Variants in ANKRD11 observed in about 807,000 individuals in gnomAD.
The protein encoded by ANKRD11 is ankyrin repeat domain 11, also known as ankyrin repeat domain-containing protein 11.
In ANKRD11, 17 loss-of-function variants were observed where a neutral mutation model predicts 195.7. That is an observed-to-expected ratio of 0.09 (90% CI 0.06 to 0.13). The LOEUF (loss-of-function observed/expected upper bound fraction) is 0.13. Ranked by LOEUF, ANKRD11 falls within the 10% of genes least tolerant of loss-of-function variation. The pLI is 1.00. For synonymous variants in ANKRD11, 1,953 were observed against 1,528.1 expected (o/e 1.28, Z -6.49); for missense variants, 3,735 against 3,566.1 (o/e 1.05, Z -1.21).
In ANKRD11 at chr16:89,284,706, C is replaced by G. The variant is rs765646666; in HGVS notation, c.1836G>C (p.Leu612=). ...TGGGGACAGCGCCCTCCGCGCTGGA[C>G]AGGAAGGGGCTCTTCTTCTCCGACA... The part of the protein sequence containing the change: ...ASLSEKKSPF[L]SSAEGAVPKL... Residue 612 remains leucine (L), a synonymous_variant, in exon 9 of 13, where the codon CTG becomes CTC. Coordinates refer to ENST00000301030, the MANE Select transcript of ANKRD11 (RefSeq NM_013275.6). The G allele has an allele frequency of 8.1e-6, 13 of 1,613,866 alleles. No homozygotes were observed. The Admixed American group carries it at 1.2e-4, about 14-fold the overall frequency.
intron 4 of ANKRD11, 24 bp downstream of exon 4, chr16:89,305,182 G>A: frequency 6.2e-7 from 1 of 1,608,158 alleles, no homozygotes; most frequent in Non-Finnish European, 8.5e-7. Flanking sequence ...AGGGCTGACT[G>A]CAGGAGGGGC....
At chr16:89,273,115 T>A (rs2033323398) in intron 11 of ANKRD11, 1 of 151,414 alleles carries the variant, frequency 6.6e-6, no homozygotes, top group Non-Finnish European at 1.5e-5. Context: ...GTAACTGTAG[T>A]CAATAGTAAC....
chr16:89,294,194 C>T (rs897877713), intron 4 of ANKRD11, among the ~76,000 whole-genome samples: 4 of 152,154 alleles, frequency 2.6e-5, no homozygotes, highest in African/African-American at 9.7e-5. Flanking sequence ...TTCCCTTACG[C>T]GGCCAGGACA....
chr16:89,277,351 T>TG (rs1442756029), intron 9 of ANKRD11: 4 of 152,218 alleles, frequency 2.6e-5, no homozygotes, highest in African/African-American at 7.2e-5. Context: ...ACCTGGCACC[T>TG]GGGCCTGCCT....
Position 89,287,035 on chromosome 16 carries a change from A to T in ANKRD11, c.745-849T>A, listed in dbSNP as rs76321307. On this transcript the variant is annotated intron_variant, in intron 7 of 12. Transcript: ENST00000301030. ...TGAGTTTTCTATGGTGACTACACAA[A>T]ACCTCAGGCTTACAATTGTGGAGGT... is the stretch of plus-strand genomic sequence containing the variant. 1.6e-3 allele frequency: 2,033 copies of T among 1,289,704 alleles called. 27 individuals carry two copies. The African/African-American group carries it at 0.028, about 18-fold the overall frequency. 79.9% of individuals were successfully genotyped at this position (1,289,704 alleles called of 1,614,324 possible). A position where few individuals can be genotyped will look rare whatever the true frequency, so the allele number is the denominator to read the frequency against.
At position 89,280,463 on chromosome 16, in the gene ANKRD11, G is replaced by C. The variant is rs759486921; in HGVS notation, c.6079C>G (p.Leu2027Val). The change falls in exon 9 of 13, where the codon CTG becomes GTG. Residue 2027 changes from leucine (L) to valine (V), a missense_variant. Physicochemically the swap from Leu to Val is conservative, Grantham distance 32 (BLOSUM62 1). Transcript: ENST00000301030. Reference sequence around the variant, plus strand: ...TCCAGCCCCGGCTCAGCGACGGGCAGAGCGTACGGGGCAGGAGAGGCGGGA... The same window carrying C: ...TCCAGCCCCGGCTCAGCGACGGGCACAGCGTACGGGGCAGGAGAGGCGGGA... The part of the protein sequence containing the change: ...APPASPAPYA[L>V]PVAEPGLEDV... 1.4e-4 allele frequency: 224 copies of C among 1,596,780 alleles called. No individual in the cohort carries two copies. The highest frequency in any genetic ancestry group is 4.0e-5 in the African/African-American group (3 of 74,368).
chr16:89,362,274 C>T (rs759359950), intron 2 of ANKRD11, among the ~76,000 whole-genome samples: 1 of 152,232 alleles, frequency 6.6e-6, no homozygotes, highest in Non-Finnish European at 1.5e-5. Flanking sequence ...GCGTAAGCAG[C>T]TCCCACTGCT....
At chr16:89,449,473 C>G (rs1219247899) in intron 1 of ANKRD11, among the ~76,000 whole-genome samples, 2 of 151,904 alleles carry the variant, frequency 1.3e-5, no homozygotes, top group African/African-American at 4.8e-5. Context: ...ACCCACACAC[C>G]CCTTCCACAT....
At chr16:89,302,012 C>T (rs1382038189) in intron 4 of ANKRD11, among the ~76,000 whole-genome samples, 1 of 152,222 alleles carries the variant, frequency 6.6e-6, no homozygotes, top group African/African-American at 2.4e-5. Flanking sequence ...CACCCACACC[C>T]CTCCAGAGAG....
At chr16:89,457,599 AAAG>A (rs1567832335) in intron 1 of ANKRD11, among the ~76,000 whole-genome samples, 1 of 151,474 alleles carries the variant, frequency 6.6e-6, no homozygotes, top group African/African-American at 2.4e-5. Context: ...AAAAAAAAAA[AAAG>A]ACTACAAATT....
intron 1 of ANKRD11, 29 bp from the exon 2 acceptor site, chr16:89,418,397 G>C (rs1262445632): frequency 7.0e-6 from 3 of 426,042 alleles, no homozygotes; most frequent in Admixed American, 5.0e-5. Context: ...ATTAGCTCAT[G>C]TCAATAATAA....
chr16:89,296,055 C>T (rs3096295), intron 4 of ANKRD11, among the ~76,000 whole-genome samples: 7 of 127,852 alleles, frequency 5.5e-5, no homozygotes, highest in African/African-American at 2.1e-4. Context: ...GTGGCGCAAT[C>T]TCAGCTCACC....
intron 6 of ANKRD11, among the ~76,000 whole-genome samples, chr16:89,290,293 C>A (rs71372800): frequency 1.1e-5 from 1 of 92,120 alleles, no homozygotes; most frequent in African/African-American, 4.9e-5. Context: ...GGGCTCCAGC[C>A]GGGGGAGGCT....
At chr16:89,344,871 A>G (rs530368552) in intron 2 of ANKRD11, among the ~76,000 whole-genome samples, 37 of 152,334 alleles carry the variant, frequency 2.4e-4, no homozygotes, top group Non-Finnish European at 4.7e-4. Context: ...CTTCATCTTC[A>G]AGAGAACCTC....
Position 89,274,383 on chromosome 16 carries a change from C to T in ANKRD11, c.7713+431G>A, listed in dbSNP as rs9925679. ...AGCCACCCAGTGTCCCTGCTGTCCC[C>T]GTATGACAGCCCCTGGGGCCTGTGC... On this transcript the variant is annotated intron_variant, in intron 11 of 12. Coordinates refer to ENST00000301030, the MANE Select transcript of ANKRD11 (RefSeq NM_013275.6). Among the ~76,000 whole-genome samples the T allele has an allele frequency of 2.5e-3, 374 of 152,334 alleles. 2 individuals are homozygous for T. The highest frequency in any genetic ancestry group is 8.4e-3 in the African/African-American group (350 of 41,580).
intron 2 of ANKRD11, among the ~76,000 whole-genome samples, chr16:89,342,704 TG>T (rs2038748709): frequency 6.6e-6 from 1 of 152,258 alleles, no homozygotes; most frequent in Admixed American, 6.5e-5. Flanking sequence ...AATCTATTTA[TG>T]GGCCCTACAG....
chr16:89,310,631 G>C (rs1204985622), intron 3 of ANKRD11, among the ~76,000 whole-genome samples: 1 of 152,138 alleles, frequency 6.6e-6, no homozygotes, highest in African/African-American at 2.4e-5. Flanking sequence ...GGAATATTTT[G>C]CAGCTTTCAG....
chr16:89,407,317 A>G (rs1048475117), intron 2 of ANKRD11, among the ~76,000 whole-genome samples: 13 of 152,148 alleles, frequency 8.5e-5, no homozygotes, highest in Non-Finnish European at 1.3e-4. Flanking sequence ...AAAAGAAAAA[A>G]AAATTAAAAG....
In ANKRD11 at chr16:89,346,250, GAAAAAAAAAA is replaced by G. The variant is rs35573539; in HGVS notation, c.-59-29182_-59-29173del. Reference sequence around the variant, plus strand: ...GCGACAGAGGGAGACCCCGTCTCAGGAAAAAAAAAAAAAAAAAAAAGAATCAACACAACAG... The same window carrying G: ...GCGACAGAGGGAGACCCCGTCTCAGGAAAAAAAAAAGAATCAACACAACAG... On this transcript the variant is annotated intron_variant, in intron 2 of 12. Coordinates refer to ENST00000301030, the MANE Select transcript of ANKRD11 (RefSeq NM_013275.6). Among the ~76,000 whole-genome samples, 91 of 96,870 alleles carry G rather than the reference GAAAAAAAAAA, an allele frequency of 9.4e-4. 1 individual carries two copies. Among genetic ancestry groups the G allele is most frequent in the South Asian group, 6.2e-3 (15 of 2,420 alleles). 63.6% of individuals were successfully genotyped at this position (96,870 alleles called of 152,430 possible).
Sources: allele counts gnomAD v4.1 joint callset (sites outside exome capture counted in the v4.1 genomes callset), GRCh38; gene constraint gnomAD v4.1.1; transcripts MANE v1.5; gene names NCBI Gene and HGNC (gene_info 2026-07-23, HGNC 2026-07-21).